Variants in PLSCR2 observed in about 807,000 individuals in gnomAD.
PLSCR2 encodes phospholipid scramblase 2, also known as PL scramblase 2.
In PLSCR2, 18 loss-of-function variants were observed where a neutral mutation model predicts 25.3. That is an observed-to-expected ratio of 0.71 (90% CI 0.49 to 1.06). PLSCR2 has a LOEUF of 1.06. PLSCR2 is among the 50% of genes least tolerant of loss of function. PLSCR2 has a pLI of 0.00. For synonymous variants in PLSCR2, 88 were observed against 87.3 expected, an observed-to-expected ratio of 1.01 and a Z score of -0.04; for missense variants, 243 against 269.5, an observed-to-expected ratio of 0.90 and a Z score of 0.69.
chr3:146,458,547 G>GTA, intron 2 of PLSCR2, 94 bp from the exon 3 acceptor site: 1 of 822,464 alleles, frequency 1.2e-6, no homozygotes, highest in South Asian at 3.4e-5. Context: ...CATATAATCA[G>GTA]TTATCGACAT....
intron 1 of PLSCR2, among the ~76,000 whole-genome samples, chr3:146,482,958 A>G (rs1018628596): frequency 2.0e-5 from 3 of 152,122 alleles, no homozygotes; most frequent in African/African-American, 7.2e-5. Context: ...CATCATTCTC[A>G]GAAAACTATC....
At chr3:146,453,907 G>T in intron 5 of PLSCR2, 95 bp downstream of exon 5, 1 of 995,116 alleles carries the variant, frequency 1.0e-6, no homozygotes, top group Non-Finnish European at 1.4e-6. Flanking sequence ...TGAGACATCA[G>T]TACACAATAC....
chr3:146,452,835 A>G lies in PLSCR2; in HGVS notation c.483+1167T>C, dbSNP rs184673304. On this transcript the variant is annotated intron_variant, in intron 5 of 6. Coordinates refer to ENST00000610787, the Ensembl canonical transcript of PLSCR2. ...TGGGCATGAAAAGAAAACTATTATT[A>G]TACATATCCCTACATAAAGTTCCTA... Among the ~76,000 whole-genome samples the G allele has an allele frequency of 3.3e-5, 5 of 152,146 alleles. No individual in the cohort carries two copies. The East Asian group carries it at 7.7e-4, about 23-fold the overall frequency.
chr3:146,490,745 C>T (rs1312386025), intron 1 of PLSCR2, among the ~76,000 whole-genome samples: 1 of 152,066 alleles, frequency 6.6e-6, no homozygotes, highest in East Asian at 1.9e-4. Flanking sequence ...GGTGTCATTA[C>T]AGTTGAGATG....
intron 1 of PLSCR2, among the ~76,000 whole-genome samples, chr3:146,465,841 A>T (rs914265314): frequency 6.6e-6 from 1 of 152,230 alleles, no homozygotes; most frequent in South Asian, 2.1e-4. Flanking sequence ...ATGATATGTA[A>T]ATTTTATGCA....
chr3:146,403,912 A>G (rs528663848), intron 2 of PLSCR2, among the ~76,000 whole-genome samples: 183 of 152,110 alleles, frequency 1.2e-3, no homozygotes, highest in Admixed American at 4.1e-3. Flanking sequence ...TTCCTCGTAA[A>G]ACAACCTTTT....
intron 2 of PLSCR2, among the ~76,000 whole-genome samples, chr3:146,427,088 A>G (rs2039382862): frequency 6.6e-6 from 1 of 152,236 alleles, no homozygotes; most frequent in South Asian, 2.1e-4. Context: ...AACAACTGCT[A>G]AACTCAATAT....
At chr3:146,484,996 T>C (rs2043289202) in intron 1 of PLSCR2, among the ~76,000 whole-genome samples, 1 of 151,294 alleles carries the variant, frequency 6.6e-6, no homozygotes, top group Non-Finnish European at 1.5e-5. Flanking sequence ...GACTGGCAAA[T>C]TGGATAAGGA....
At chr3:146,469,021 A>G in intron 1 of PLSCR2, 1 of 634,478 alleles carries the variant, frequency 1.6e-6, no homozygotes, top group South Asian at 7.0e-5. Context: ...ACCGCGCTAC[A>G]TACCGCCACT....
intron 2 of PLSCR2, among the ~76,000 whole-genome samples, chr3:146,421,884 G>A (rs1342407210): frequency 1.3e-5 from 2 of 152,054 alleles, no homozygotes; most frequent in African/African-American, 4.8e-5. Flanking sequence ...CATTAGCTGA[G>A]CAGCACTTTC....
At chr3:146,488,851 T>C (rs1056589230) in intron 1 of PLSCR2, among the ~76,000 whole-genome samples, 3 of 152,084 alleles carry the variant, frequency 2.0e-5, no homozygotes, top group East Asian at 1.9e-4. Context: ...CATTCTATTA[T>C]AAAGATAAAC....
At chr3:146,441,921 T>C (rs2040265605) in intron 6 of PLSCR2, 100 bp from the exon 7 acceptor site, 1 of 708,288 alleles carries the variant, frequency 1.4e-6, no homozygotes, top group Admixed American at 2.9e-5. Context: ...TAATTGTCTG[T>C]TAAATAAGAA....
chr3:146,452,937 A>C (rs948558518), intron 5 of PLSCR2, among the ~76,000 whole-genome samples: 14 of 151,958 alleles, frequency 9.2e-5, no homozygotes, highest in Non-Finnish European at 1.3e-4. Context: ...AATGCATATT[A>C]TCATATATTT....
In PLSCR2 at chr3:146,460,091, A is replaced by C. The variant is rs1448234535; in HGVS notation, c.-179-8T>G. On this transcript the variant is annotated splice_polypyrimidine_tract_variant and splice_region_variant and intron_variant, in intron 1 of 6. Coordinates refer to ENST00000610787, the Ensembl canonical transcript of PLSCR2. ...CAATATGTCCGGGAGGTCCTGAAAT[A>C]GGAGCAAGTAAAATAATTTGTAGCT... 6.7e-7 allele frequency: 1 copy of C among 1,494,384 alleles called. No individual in the cohort carries two copies. The allele number at this position is 1,494,384 out of a possible 1,614,324, so 92.6% of individuals were successfully genotyped here. A position where few individuals can be genotyped will look rare whatever the true frequency, so the allele number is the denominator to read the frequency against.
downstream of PLSCR2, among the ~76,000 whole-genome samples, chr3:146,432,156 G>T (rs2039570554): frequency 6.6e-6 from 1 of 152,096 alleles, no homozygotes; most frequent in Non-Finnish European, 1.5e-5. Flanking sequence ...TTACTTATAA[G>T]AATATCTGTA....
intron 1 of PLSCR2, among the ~76,000 whole-genome samples, chr3:146,489,962 C>T (rs1157585767): frequency 1.3e-5 from 2 of 152,074 alleles, no homozygotes; most frequent in Non-Finnish European, 2.9e-5. Flanking sequence ...ACATGCAAGG[C>T]ACATTTACCC....
At chr3:146,491,878 G>A (rs953548032) in intron 1 of PLSCR2, among the ~76,000 whole-genome samples, 3 of 152,158 alleles carry the variant, frequency 2.0e-5, no homozygotes, top group African/African-American at 7.2e-5. Context: ...AGGAGCTACT[G>A]CAGTTGATTG....
chr3:146,456,854 A>C (rs2041250056), intron 3 of PLSCR2, among the ~76,000 whole-genome samples: 1 of 152,126 alleles, frequency 6.6e-6, no homozygotes, highest in Non-Finnish European at 1.5e-5. Flanking sequence ...TAAATGTGGA[A>C]CTTCGTATTT....
chr3:146,433,814 T>A (rs1477910246), intron 8 of PLSCR2, among the ~76,000 whole-genome samples: 2 of 152,168 alleles, frequency 1.3e-5, no homozygotes, highest in Non-Finnish European at 2.9e-5. Flanking sequence ...TTTCTGTAGC[T>A]CCACTGCTAT....
Sources: gnomAD v4.1 joint callset for allele counts (sites outside exome capture counted in the v4.1 genomes callset) on GRCh38, gnomAD v4.1.1 for gene constraint, MANE v1.5 for transcripts, NCBI Gene and HGNC (gene_info 2026-07-23, HGNC 2026-07-21) for gene names.